MACROD2: variants seen among roughly 807,000 people sequenced by gnomAD.
The protein encoded by MACROD2 is ADP-ribose glycohydrolase MACROD2.
A neutral mutation model predicts 70.4 loss-of-function variants in MACROD2; 36 were observed. The ratio of observed to expected loss-of-function variants is 0.51; its 90% CI spans 0.39 to 0.68. The LOEUF is 0.68. MACROD2 is among the 30% of genes least tolerant of loss of function. The pLI, the probability that MACROD2 is intolerant of heterozygous loss-of-function variation, is 0.00. For missense variants in MACROD2, 496 were observed against 538.4 expected (o/e 0.92, Z 0.78); for synonymous variants, 172 against 178.8 (o/e 0.96, Z 0.30).
intron 4 of MACROD2, among the ~76,000 whole-genome samples, chr20:14,519,191 A>G (rs2085137249): frequency 6.6e-6 from 1 of 152,142 alleles, no homozygotes; most frequent in African/African-American, 2.4e-5. Context: ...CAATTTTAAA[A>G]ACTTTCTCTT....
intron 5 of MACROD2, among the ~76,000 whole-genome samples, chr20:14,756,171 C>T (rs909478713): frequency 6.6e-6 from 1 of 152,122 alleles, no homozygotes; most frequent in Non-Finnish European, 1.5e-5. Context: ...GCTTACTAAA[C>T]TCCGTGGCTT....
intron 5 of MACROD2, among the ~76,000 whole-genome samples, chr20:14,857,833 T>C (rs958641380): frequency 6.6e-6 from 1 of 152,164 alleles, no homozygotes; most frequent in African/African-American, 2.4e-5. Flanking sequence ...TGTTTTGTTT[T>C]GTTTGAGACA....
At chr20:14,359,405 T>C (rs1176572512) in intron 3 of MACROD2, among the ~76,000 whole-genome samples, 1 of 152,152 alleles carries the variant, frequency 6.6e-6, no homozygotes, top group African/African-American at 2.4e-5. Flanking sequence ...GAAAACAGTA[T>C]GGAGATTCCT....
At chr20:14,098,461 A>G (rs2148676940) in intron 3 of MACROD2, among the ~76,000 whole-genome samples, 1 of 152,310 alleles carries the variant, frequency 6.6e-6, no homozygotes, top group East Asian at 1.9e-4. Context: ...TACTTGTGTC[A>G]AAAATTGAGA....
intron 5 of MACROD2, among the ~76,000 whole-genome samples, chr20:14,821,367 A>G (rs892856488): frequency 2.6e-5 from 4 of 152,056 alleles, no homozygotes; most frequent in Non-Finnish European, 5.9e-5. Flanking sequence ...GTCAATAACT[A>G]GCAGAGAGTT....
chr20:14,656,328 T>G (rs1427058626), intron 4 of MACROD2, among the ~76,000 whole-genome samples: 5 of 152,208 alleles, frequency 3.3e-5, no homozygotes, highest in Non-Finnish European at 5.9e-5. Context: ...TATAGCCAAT[T>G]GGCGATCTCC....
intron 8 of MACROD2, among the ~76,000 whole-genome samples, chr20:15,845,122 T>G (rs1278941438): frequency 6.6e-6 from 1 of 152,014 alleles, no homozygotes; most frequent in Non-Finnish European, 1.5e-5. Context: ...TCATGTCTAC[T>G]GAAATCTCAG....
At chr20:14,091,469 A>G (rs1394399545) in intron 3 of MACROD2, among the ~76,000 whole-genome samples, 4 of 152,208 alleles carry the variant, frequency 2.6e-5, no homozygotes, top group East Asian at 1.9e-4. Context: ...CAAAATAACT[A>G]AGGAAGTAAA....
intron 2 of MACROD2, among the ~76,000 whole-genome samples, chr20:14,015,429 C>CA (rs892055342): frequency 3.3e-5 from 5 of 151,688 alleles, no homozygotes; most frequent in African/African-American, 9.7e-5. Context: ...AATGAACATT[C>CA]AAAAAAAACT....
chr20:15,626,464 CT>C, intron 8 of MACROD2, among the ~76,000 whole-genome samples: 1 of 152,182 alleles, frequency 6.6e-6, no homozygotes, highest in East Asian at 1.9e-4. Context: ...TCATTCTAGC[CT>C]TTTGGTACAA....
chr20:15,449,092 A>G (rs906789904), intron 7 of MACROD2, among the ~76,000 whole-genome samples: 6 of 152,158 alleles, frequency 3.9e-5, no homozygotes, highest in African/African-American at 1.4e-4. Context: ...ATGGCAGCTC[A>G]TTAGTGTCTA....
rs2077889348 is a variant in MACROD2, at chr20:15,323,049, T to A, written c.540+92988T>A. On this transcript the variant is annotated intron_variant, in intron 6 of 17. Transcript: ENST00000684519. Reference sequence around the variant, plus strand: ...TATGAAATAAGAGCTTGGGGTTCAGTTTTTAGGTAGAATAATGCTGTATGT... The same window carrying A: ...TATGAAATAAGAGCTTGGGGTTCAGATTTTAGGTAGAATAATGCTGTATGT... Among the ~76,000 whole-genome samples the A allele has an allele frequency of 1.3e-5, 2 of 149,518 alleles. 1 individual carries two copies. Among genetic ancestry groups the A allele is most frequent in the Non-Finnish European group, 3.0e-5 (2 of 66,728 alleles).
At chr20:14,427,478 A>T (rs970660794) in intron 3 of MACROD2, among the ~76,000 whole-genome samples, 10 of 151,166 alleles carry the variant, frequency 6.6e-5, no homozygotes, top group African/African-American at 2.4e-4. Context: ...ATATAATATT[A>T]GATCAATATA....
At chr20:14,524,209 G>A (rs1225723326) in intron 4 of MACROD2, among the ~76,000 whole-genome samples, 1 of 152,138 alleles carries the variant, frequency 6.6e-6, no homozygotes, top group Non-Finnish European at 1.5e-5. Context: ...TCTTGCATTG[G>A]AAAATCTTTC....
chr20:15,548,728 A>C (rs1228588140), intron 8 of MACROD2, among the ~76,000 whole-genome samples: 1 of 152,184 alleles, frequency 6.6e-6, no homozygotes, highest in Non-Finnish European at 1.5e-5. Flanking sequence ...ATTAAGCAGA[A>C]GTAGGGCTAT....
chr20:14,855,746 GA>G (rs1488046663), intron 5 of MACROD2, among the ~76,000 whole-genome samples: 1 of 151,182 alleles, frequency 6.6e-6, no homozygotes, highest in African/African-American at 2.4e-5. Context: ...CTGATAGCAT[GA>G]AACGAGACTA....
intron 10 of MACROD2, among the ~76,000 whole-genome samples, chr20:15,918,545 C>A: frequency 6.6e-6 from 1 of 152,114 alleles, no homozygotes; most frequent in Non-Finnish European, 1.5e-5. Context: ...AAACTAAGAT[C>A]ATTTAGACAC....
intron 7 of MACROD2, among the ~76,000 whole-genome samples, chr20:15,475,458 G>C (rs188532287): frequency 9.7e-4 from 147 of 152,322 alleles, no homozygotes; most frequent in African/African-American, 2.2e-3. Flanking sequence ...CTTTTCCTTG[G>C]CAACTGCATG....
At chr20:15,821,787 A>G (rs1041821616) in intron 8 of MACROD2, among the ~76,000 whole-genome samples, 2 of 152,198 alleles carry the variant, frequency 1.3e-5, no homozygotes, top group Non-Finnish European at 2.9e-5. Context: ...TTATATGCAA[A>G]TAGTATGCCA....
Sources: gnomAD v4.1 joint callset for allele counts (sites outside exome capture counted in the v4.1 genomes callset) on GRCh38, gnomAD v4.1.1 for gene constraint, MANE v1.5 for transcripts, NCBI Gene and HGNC (gene_info 2026-07-23, HGNC 2026-07-21) for gene names.